Variants in CALD1 observed in about 807,000 individuals in gnomAD.
CALD1 encodes caldesmon 1.
In CALD1, 33 loss-of-function variants were observed where a neutral mutation model predicts 99.9. That is an observed-to-expected ratio of 0.33 (90% CI 0.25 to 0.44). The LOEUF is 0.44. Ranked by LOEUF, CALD1 falls within the 20% of genes least tolerant of loss-of-function variation. The pLI is 1.00. For synonymous variants in CALD1, 310 were observed against 325.0 expected (o/e 0.95, Z 0.50); for missense variants, 861 against 962.1 (o/e 0.89, Z 1.39).
At chr7:134,752,436 C>T (rs1796692474) in intron 1 of CALD1, among the ~76,000 whole-genome samples, 1 of 152,184 alleles carries the variant, frequency 6.6e-6, no homozygotes, top group Non-Finnish European at 1.5e-5. Context: ...CTCATCACTA[C>T]CCTAAACCAT....
chr7:134,767,976 T>C (rs978345307), intron 1 of CALD1, among the ~76,000 whole-genome samples: 3 of 152,188 alleles, frequency 2.0e-5, no homozygotes, highest in Admixed American at 6.5e-5. Context: ...CAGATACCCA[T>C]TGGAGACTGG....
chr7:134,929,646 G>GTGTGTGTATATA (rs1488854871), intron 4 of CALD1, among the ~76,000 whole-genome samples: 3 of 7,914 alleles, frequency 3.8e-4, no homozygotes, highest in Admixed American at 1.4e-3. Context: ...GTGTGTGTGT[G>GTGTGTGTATATA]TATATATATA....
In CALD1 at chr7:134,806,057, G is replaced by A. The variant is rs151218527; in HGVS notation, c.-130+26308G>A. Among the ~76,000 whole-genome samples the A allele has an allele frequency of 3.9e-3, 597 of 152,226 alleles. 1 individual carries two copies. Among genetic ancestry groups the A allele is most frequent in the Non-Finnish European group, 6.0e-3 (406 of 68,002 alleles). On this transcript the variant is annotated intron_variant, in intron 1 of 14. Transcript: ENST00000361675. Reference sequence around the variant, plus strand: ...ATTACAGGTGTAAGCCACCACACCCGGCCCCAAAGAAGATTTTCCAAAACT... The same window carrying A: ...ATTACAGGTGTAAGCCACCACACCCAGCCCCAAAGAAGATTTTCCAAAACT...
rs1218647933 is a variant in CALD1, at chr7:134,933,263, C to T, written c.494C>T (p.Thr165Ile). 6.2e-7 allele frequency: 1 copy of T among 1,601,776 alleles called. No homozygotes were observed. Among genetic ancestry groups the T allele is most frequent in the Non-Finnish European group, 8.5e-7 (1 of 1,175,640 alleles). The change falls in exon 5 of 15, where the codon ACA becomes ATA. Residue 165 changes from threonine (T) to isoleucine (I), a missense_variant. By Grantham distance (89) the Thr-to-Ile change is moderately conservative. Around this residue, in one of 5 missense-constraint regions of CALD1, gnomAD observed 234 missense variants for 233.1 expected, o/e 1.00. Coordinates refer to ENST00000361675, the MANE Select transcript of CALD1 (RefSeq NM_033138.4). ...CAAGAAAGATACGAGATAGAGGAAA[C>T]AGAAACAGTCACCAAGTCCTACCAG... The part of the protein sequence containing the change: ...SRQERYEIEE[T>I]ETVTKSYQKN...
upstream of CALD1, among the ~76,000 whole-genome samples, chr7:134,742,718 A>G (rs1025375495): frequency 6.6e-6 from 1 of 152,280 alleles, no homozygotes; most frequent in African/African-American, 2.4e-5. Flanking sequence ...CGAACATCTC[A>G]GCATAATTTC....
chr7:134,767,332 C>T (rs148035484), intron 1 of CALD1, among the ~76,000 whole-genome samples: 11 of 152,166 alleles, frequency 7.2e-5, no homozygotes, highest in Non-Finnish European at 1.3e-4. Context: ...CCCCAGTTAT[C>T]GCCAGACGCA....
In CALD1 at chr7:134,867,673, C is replaced by A. The variant is rs1346319987; in HGVS notation, c.-41-20C>A. 3 of 964,884 alleles carry A rather than the reference C, an allele frequency of 3.1e-6. No homozygotes were observed. The East Asian group carries it at 7.5e-5, about 24-fold the overall frequency. The allele number at this position is 964,884 out of a possible 1,614,324, so 59.8% of individuals were successfully genotyped here. On this transcript the variant is annotated intron_variant, in intron 2 of 14. Transcript: ENST00000361675. ...CACACTGAGTTATCAATGATATTGA[C>A]TCTACCTCCTCTCTTTCAGGTCCAG...
chr7:134,818,299 T>G (rs118147397), intron 1 of CALD1, among the ~76,000 whole-genome samples: 1,746 of 152,346 alleles, frequency 0.011, 15 homozygotes, highest in Middle Eastern at 0.027. Flanking sequence ...ATATGTAGAA[T>G]AGATTTAAGA....
the CALD1 span, among the ~76,000 whole-genome samples, chr7:134,733,616 G>T: frequency 1.3e-5 from 2 of 151,926 alleles, no homozygotes; most frequent in Admixed American, 1.3e-4. Flanking sequence ...AGACCATCCT[G>T]GCTAACATGG....
chr7:134,751,081 T>C (rs1484558160), intron 1 of CALD1, among the ~76,000 whole-genome samples: 1 of 152,224 alleles, frequency 6.6e-6, no homozygotes, highest in Admixed American at 6.5e-5. Context: ...GACAGTATGA[T>C]ATAGTGACCT....
At chr7:134,871,424 A>G (rs1801070288) in intron 3 of CALD1, among the ~76,000 whole-genome samples, 1 of 152,094 alleles carries the variant, frequency 6.6e-6, no homozygotes, top group Non-Finnish European at 1.5e-5. Flanking sequence ...TACTCTCAAC[A>G]CATTTTTACT....
the CALD1 span, among the ~76,000 whole-genome samples, chr7:134,721,641 G>C: frequency 6.6e-6 from 1 of 152,040 alleles, no homozygotes; most frequent in Admixed American, 6.5e-5. Flanking sequence ...AAAGACCGAG[G>C]GGGTCTACAG....
At chr7:134,766,899 A>G (rs1796831343) in intron 1 of CALD1, among the ~76,000 whole-genome samples, 1 of 152,196 alleles carries the variant, frequency 6.6e-6, no homozygotes, top group African/African-American at 2.4e-5. Context: ...GGTCATGGAC[A>G]AAGAATGGGG....
intron 2 of CALD1, among the ~76,000 whole-genome samples, chr7:134,852,241 G>A (rs1475903054): frequency 6.6e-6 from 1 of 152,100 alleles, no homozygotes; most frequent in African/African-American, 2.4e-5. Flanking sequence ...GGATTTGCAG[G>A]AGTGGAGGGC....
At chr7:134,808,632 A>G (rs1275799713) in intron 1 of CALD1, among the ~76,000 whole-genome samples, 1 of 152,228 alleles carries the variant, frequency 6.6e-6, no homozygotes, top group Non-Finnish European at 1.5e-5. Flanking sequence ...ACAAGGATGG[A>G]GATGCCTGAA....
intron 2 of CALD1, among the ~76,000 whole-genome samples, chr7:134,855,780 A>G (rs989741586): frequency 1.3e-5 from 2 of 152,254 alleles, no homozygotes; most frequent in Admixed American, 6.5e-5. Context: ...GTGAAAAATT[A>G]GGAATTGCAA....
the CALD1 span, among the ~76,000 whole-genome samples, chr7:134,730,590 C>A: frequency 1.4e-3 from 215 of 152,312 alleles, no homozygotes; most frequent in African/African-American, 5.0e-3. Flanking sequence ...CTCTGCCATC[C>A]AGTCTTTGGA....
At chr7:134,948,810 G>T in intron 8 of CALD1, among the ~76,000 whole-genome samples, 1 of 151,970 alleles carries the variant, frequency 6.6e-6, no homozygotes, top group Non-Finnish European at 1.5e-5. Flanking sequence ...ATGACCTTTG[G>T]TTGGGAAGTA....
intron 2 of CALD1, chr7:134,844,235 A>G (rs945657237): frequency 2.6e-5 from 4 of 151,626 alleles, no homozygotes; most frequent in African/African-American, 4.9e-5. Flanking sequence ...GCAATGTAAT[A>G]TCTTTCACAA....
Sources: gnomAD v4.1 joint callset for allele counts (sites outside exome capture counted in the v4.1 genomes callset) on GRCh38, gnomAD v4.1.1 for gene constraint, gnomAD v4.1.1 regional missense constraint, MANE v1.5 for transcripts, NCBI Gene and HGNC (gene_info 2026-07-23, HGNC 2026-07-21) for gene names.